CTNNA3: variants seen among roughly 807,000 people sequenced by gnomAD.
CTNNA3 encodes the protein catenin alpha-3.
CTNNA3 carries 76 observed loss-of-function variants against 95.7 expected under a neutral mutation model. The ratio of observed to expected loss-of-function variants is 0.79; its 90% CI spans 0.66 to 0.96. CTNNA3 has a LOEUF of 0.96. CTNNA3 is among the 40% of genes least tolerant of loss of function. The pLI is 0.00. For missense variants in CTNNA3, 1,191 were observed against 1,089.8 expected, an observed-to-expected ratio of 1.09 and a Z score of -1.31; for synonymous variants, 431 against 374.4, an observed-to-expected ratio of 1.15 and a Z score of -1.74.
chr10:67,005,356 T>A (rs530712420), intron 7 of CTNNA3, among the ~76,000 whole-genome samples: 16 of 152,130 alleles, frequency 1.1e-4, no homozygotes, highest in Non-Finnish European at 1.9e-4. Flanking sequence ...ATACACTTTA[T>A]CTAAATCACT....
At chr10:66,898,364 G>T (rs1262411465) in intron 7 of CTNNA3, among the ~76,000 whole-genome samples, 1 of 134,012 alleles carries the variant, frequency 7.5e-6, no homozygotes, top group Non-Finnish European at 1.7e-5. Context: ...GAACTACAAA[G>T]TATCTGTAAA....
chr10:67,245,985 C>A (rs761434210), intron 5 of CTNNA3, among the ~76,000 whole-genome samples: 9 of 152,084 alleles, frequency 5.9e-5, no homozygotes, highest in Non-Finnish European at 1.2e-4. Flanking sequence ...AGAACATTCA[C>A]CTGCATATCT....
intron 9 of CTNNA3, among the ~76,000 whole-genome samples, chr10:66,738,548 T>C (rs563573000): frequency 4.6e-5 from 7 of 152,232 alleles, no homozygotes; most frequent in East Asian, 1.9e-4. Context: ...AAATAATTAC[T>C]TCTGTTTGCA....
At chr10:66,215,315 C>A (rs1024134728) in intron 13 of CTNNA3, among the ~76,000 whole-genome samples, 1 of 152,186 alleles carries the variant, frequency 6.6e-6, no homozygotes, top group African/African-American at 2.4e-5. Flanking sequence ...TTTGAGCCAA[C>A]CCAAGCAACG....
In CTNNA3 at chr10:66,819,195, T is replaced by A. The variant is rs189519805; in HGVS notation, c.1048-43671A>T. On this transcript the variant is annotated intron_variant, in intron 7 of 17. Coordinates refer to ENST00000433211, the MANE Select transcript of CTNNA3 (RefSeq NM_013266.4). Reference sequence around the variant, plus strand: ...AGTCCAAAAATAAACCCATACATCTTTGGTCAATTGATATTTAGAAGAGTA... The same window carrying A: ...AGTCCAAAAATAAACCCATACATCTATGGTCAATTGATATTTAGAAGAGTA... 4.0e-3 allele frequency among the ~76,000 whole-genome samples: 606 copies of A among 152,012 alleles called. 5 individuals are homozygous for A. The highest frequency in any genetic ancestry group is 0.013 in the African/African-American group (549 of 41,480).
At chr10:67,183,991 G>A (rs1010197291) in intron 6 of CTNNA3, among the ~76,000 whole-genome samples, 65 of 152,048 alleles carry the variant, frequency 4.3e-4, no homozygotes, top group Non-Finnish European at 8.8e-5. Context: ...GAGCCAAATC[G>A]GGACTGTAAC....
intron 10 of CTNNA3, among the ~76,000 whole-genome samples, chr10:66,555,633 A>G (rs1646872642): frequency 6.6e-6 from 1 of 152,104 alleles, no homozygotes; most frequent in Admixed American, 6.5e-5. Context: ...GATGCTTTTA[A>G]GGTGATATTT....
chr10:66,869,505 G>A (rs758087634), intron 7 of CTNNA3, among the ~76,000 whole-genome samples: 9 of 152,106 alleles, frequency 5.9e-5, no homozygotes, highest in South Asian at 2.1e-4. Flanking sequence ...CCCGGGAGGC[G>A]GAGGTTGCAG....
intron 12 of CTNNA3, among the ~76,000 whole-genome samples, chr10:66,316,809 A>C (rs184744129): frequency 1.3e-5 from 2 of 152,146 alleles, no homozygotes; most frequent in African/African-American, 4.8e-5. Context: ...TAAAATTTCA[A>C]TTATCCAGTT....
intron 7 of CTNNA3, among the ~76,000 whole-genome samples, chr10:66,966,315 A>C (rs1180730164): frequency 6.6e-6 from 1 of 152,102 alleles, no homozygotes; most frequent in African/African-American, 2.4e-5. Context: ...TCTTATTCTC[A>C]TTTTTGATGT....
intron 17 of CTNNA3, among the ~76,000 whole-genome samples, chr10:65,962,317 G>A (rs549585074): frequency 4.9e-4 from 74 of 152,130 alleles, no homozygotes; most frequent in African/African-American, 1.7e-3. Flanking sequence ...CATACTCACC[G>A]TAACATGGTC....
chr10:66,341,235 C>T (rs912225748), intron 12 of CTNNA3, among the ~76,000 whole-genome samples: 11 of 151,886 alleles, frequency 7.2e-5, no homozygotes, highest in African/African-American at 2.4e-4. Flanking sequence ...TCTTTACGCC[C>T]TCATTCTAGT....
At chr10:66,121,830 T>C (rs1205658550) in intron 13 of CTNNA3, among the ~76,000 whole-genome samples, 1 of 152,038 alleles carries the variant, frequency 6.6e-6, no homozygotes, top group Non-Finnish European at 1.5e-5. Flanking sequence ...GGTGACAGAG[T>C]GAGACCCTGT....
At chr10:66,909,980 G>T (rs966937643) in intron 7 of CTNNA3, among the ~76,000 whole-genome samples, 17 of 151,994 alleles carry the variant, frequency 1.1e-4, no homozygotes, top group Admixed American at 1.1e-3. Context: ...TGGGGAAAAG[G>T]GCAAATAAAC....
chr10:66,198,766 T>C (rs2087124690), intron 13 of CTNNA3, among the ~76,000 whole-genome samples: 1 of 152,214 alleles, frequency 6.6e-6, no homozygotes, highest in African/African-American at 2.4e-5. Context: ...TATAATTATA[T>C]ACAATGTACT....
chr10:66,866,430 A>G (rs1844181975), intron 7 of CTNNA3, among the ~76,000 whole-genome samples: 1 of 152,170 alleles, frequency 6.6e-6, no homozygotes, highest in African/African-American at 2.4e-5. Flanking sequence ...AGCTTTTTGG[A>G]GGCTTTTATT....
At chr10:66,763,333 C>CAGAGAGAGAGAG (rs746523452) in intron 9 of CTNNA3, among the ~76,000 whole-genome samples, 11 of 104,072 alleles carry the variant, frequency 1.1e-4, no homozygotes, top group African/African-American at 3.4e-4. Context: ...CACACACACA[C>CAGAGAGAGAGAG]ACACACACAG....
rs143764485 is a variant in CTNNA3, at chr10:66,326,634, T to C, written c.1733-46013A>G. 7.1e-3 allele frequency among the ~76,000 whole-genome samples: 1,078 copies of C among 152,166 alleles called. 13 individuals are homozygous for C. The highest frequency in any genetic ancestry group is 0.023 in the African/African-American group (944 of 41,536). On this transcript the variant is annotated intron_variant, in intron 12 of 17. Coordinates refer to ENST00000433211, the MANE Select transcript of CTNNA3 (RefSeq NM_013266.4). ...AACTGTAATGGCCATTAATTGTTAGTGTACACTAAATTAATGTATATTTAT... is the reference window on the plus strand; with the variant it reads ...AACTGTAATGGCCATTAATTGTTAGCGTACACTAAATTAATGTATATTTAT...
At chr10:67,614,304 C>T (rs1365336105) in intron 2 of CTNNA3, among the ~76,000 whole-genome samples, 1 of 152,186 alleles carries the variant, frequency 6.6e-6, no homozygotes, top group Admixed American at 6.5e-5. Flanking sequence ...CTGGCTTCAC[C>T]TCTCAGTTTC....
Sources: gnomAD v4.1 joint callset for allele counts (sites outside exome capture counted in the v4.1 genomes callset) on GRCh38, gnomAD v4.1.1 for gene constraint, MANE v1.5 for transcripts, NCBI Gene and HGNC (gene_info 2026-07-23, HGNC 2026-07-21) for gene names.